Variants in LRRC63 observed in about 807,000 individuals in gnomAD.
The protein encoded by LRRC63 is leucine rich repeat containing 63.
Under a neutral mutation model 49.5 loss-of-function variants are expected in LRRC63, and 40 were observed. That is an observed-to-expected ratio of 0.81 (90% CI 0.63 to 1.05). LRRC63 has a LOEUF of 1.05. Among genes scored for constraint, LRRC63 ranks in the 50% least tolerant of loss-of-function variants. The pLI, the probability that LRRC63 is intolerant of heterozygous loss-of-function variation, is 0.00. For synonymous variants in LRRC63, 191 were observed against 221.1 expected, an observed-to-expected ratio of 0.86 and a Z score of 1.21; for missense variants, 636 against 663.1, an observed-to-expected ratio of 0.96 and a Z score of 0.45.
At chr13:46,261,929 T>C in exon 8 of LRRC63, 1 of 1,126,742 alleles carries the variant, frequency 8.9e-7, no homozygotes, top group Non-Finnish European at 1.2e-6. Context: ...TTGTCTTATC[T>C]TGAAGAACTT....
At chr13:46,219,101 G>A (rs1316759461) in intron 2 of LRRC63, among the ~76,000 whole-genome samples, 1 of 152,150 alleles carries the variant, frequency 6.6e-6, no homozygotes, top group Non-Finnish European at 1.5e-5. Flanking sequence ...TTCTCGAGGA[G>A]TATCTTTGTT....
At chr13:46,247,803 C>T (rs574312672) in intron 6 of LRRC63, among the ~76,000 whole-genome samples, 1 of 152,078 alleles carries the variant, frequency 6.6e-6, no homozygotes, top group East Asian at 1.9e-4. Context: ...AAAATAGTTT[C>T]AGATGGGAGA....
chr13:46,271,900 A>C (rs954870739), intron 9 of LRRC63, among the ~76,000 whole-genome samples: 1 of 152,104 alleles, frequency 6.6e-6, no homozygotes, highest in African/African-American at 2.4e-5. Flanking sequence ...AAAGTTTATA[A>C]ATTAGGCACA....
intron 5 of LRRC63, among the ~76,000 whole-genome samples, chr13:46,246,325 C>T (rs1296314529): frequency 6.6e-6 from 1 of 152,094 alleles, no homozygotes; most frequent in Non-Finnish European, 1.5e-5. Context: ...AGTGCTTCTA[C>T]TTTGCTTCTA....
intron 7 of LRRC63, among the ~76,000 whole-genome samples, chr13:46,255,653 T>A (rs1309373612): frequency 1.0e-4 from 14 of 136,742 alleles, no homozygotes; most frequent in African/African-American, 4.5e-4. Context: ...CAAATATATA[T>A]ATATATATAT....
intron 8 of LRRC63, 107 bp downstream of exon 8, chr13:46,262,099 A>T: frequency 2.7e-6 from 1 of 373,272 alleles, no homozygotes; most frequent in Admixed American, 4.7e-5. Flanking sequence ...CATAAAATGT[A>T]ATCTGTGAAG....
intron 9 of LRRC63, among the ~76,000 whole-genome samples, chr13:46,272,175 A>T (rs2047769093): frequency 6.6e-6 from 1 of 152,198 alleles, no homozygotes; most frequent in Non-Finnish European, 1.5e-5. Context: ...GGCAGTTTAA[A>T]ACTTACAAAT....
chr13:46,272,705 G>A (rs929399157), intron 9 of LRRC63, among the ~76,000 whole-genome samples: 1 of 152,070 alleles, frequency 6.6e-6, no homozygotes, highest in Non-Finnish European at 1.5e-5. Context: ...GTCAGAGAGT[G>A]GTAAAATAAC....
chr13:46,276,604 A>T, exon 10 of LRRC63: 1 of 1,230,452 alleles, frequency 8.1e-7, no homozygotes, highest in South Asian at 4.1e-5. Context: ...TCCAGGTGTG[A>T]ATGGTGTCAT....
intron 9 of LRRC63, among the ~76,000 whole-genome samples, chr13:46,275,660 T>A (rs1594105735): frequency 2.6e-5 from 4 of 151,876 alleles, no homozygotes; most frequent in Admixed American, 2.6e-4. Flanking sequence ...AATCAGATTT[T>A]TTTTTTTTGC....
intron 6 of LRRC63, among the ~76,000 whole-genome samples, chr13:46,247,605 C>G (rs749373489): frequency 9.9e-5 from 15 of 151,992 alleles, no homozygotes; most frequent in Admixed American, 5.2e-4. Context: ...TAAAATATTC[C>G]AATGAAGATG....
At chr13:46,273,601 TAAAAAAA>T (rs66994107) in intron 9 of LRRC63, among the ~76,000 whole-genome samples, 2 of 109,466 alleles carry the variant, frequency 1.8e-5, no homozygotes, top group South Asian at 3.1e-4. Flanking sequence ...GAATCTGCCT[TAAAAAAA>T]AAAAAAAAAA....
chr13:46,261,181 G>A (rs2047607822), intron 7 of LRRC63, among the ~76,000 whole-genome samples: 1 of 152,178 alleles, frequency 6.6e-6, no homozygotes, highest in South Asian at 2.1e-4. Flanking sequence ...TGGAAAGAAA[G>A]ATTAAAGGTA....
chr13:46,230,351 A>G (rs1474272264), intron 4 of LRRC63, among the ~76,000 whole-genome samples: 1 of 152,242 alleles, frequency 6.6e-6, no homozygotes, highest in East Asian at 1.9e-4. Context: ...ATATGTATAT[A>G]TGAAAGGGAG....
chr13:46,270,184 C>G, intron 9 of LRRC63: 2 of 770,930 alleles, frequency 2.6e-6, no homozygotes, highest in Non-Finnish European at 4.8e-6. Context: ...GTAAGGACCA[C>G]TGTATACCAC....
At chr13:46,217,280 T>C (rs563576060) in intron 2 of LRRC63, among the ~76,000 whole-genome samples, 2 of 152,356 alleles carry the variant, frequency 1.3e-5, no homozygotes, top group East Asian at 3.9e-4. Flanking sequence ...ACTGCCTCAA[T>C]TTCAGAACTT....
chr13:46,250,640 T>C, intron 7 of LRRC63, 149 bp downstream of exon 7: 2 of 658,224 alleles, frequency 3.0e-6, no homozygotes, highest in Middle Eastern at 7.6e-4. Flanking sequence ...CTTCTTATGG[T>C]GTTAAAAACA....
intron 9 of LRRC63, chr13:46,270,474 C>G: frequency 1.3e-6 from 1 of 785,556 alleles, no homozygotes; most frequent in Non-Finnish European, 2.3e-6. Flanking sequence ...GCCATCTATT[C>G]TTCAAGAAAA....
intron 7 of LRRC63, among the ~76,000 whole-genome samples, chr13:46,258,535 CAT>C (rs1594089201): frequency 4.0e-5 from 6 of 150,604 alleles, no homozygotes; most frequent in African/African-American, 7.3e-5. Context: ...ATTGGCTGGG[CAT>C]GGTGGCTCAC....
Sources: allele counts gnomAD v4.1 joint callset (sites outside exome capture counted in the v4.1 genomes callset), GRCh38; gene constraint gnomAD v4.1.1; transcripts MANE v1.5; gene names NCBI Gene and HGNC (gene_info 2026-07-23, HGNC 2026-07-21).